The following CSMD3 variants were observed in gnomAD, a reference collection of about 807,000 sequenced individuals.
The protein encoded by CSMD3 is CUB and Sushi multiple domains 3.
CSMD3 carries 177 observed loss-of-function variants against 435.2 expected under a neutral mutation model. The observed-to-expected ratio is 0.41, with a 90% CI of 0.36 to 0.46. CSMD3 has a LOEUF of 0.46. CSMD3 is among the 20% of genes least tolerant of loss of function. CSMD3 has a pLI of 0.34. For synonymous variants in CSMD3, 1,656 were observed against 1,520.5 expected (o/e 1.09, Z -2.07); for missense variants, 4,265 against 4,504.6 (o/e 0.95, Z 1.52).
At chr8:113,307,882 A>G (rs1392301823) in intron 2 of CSMD3, among the ~76,000 whole-genome samples, 1 of 152,194 alleles carries the variant, frequency 6.6e-6, no homozygotes, top group Non-Finnish European at 1.5e-5. Flanking sequence ...GAAGTACAAA[A>G]TGCGTACACA....
At position 112,889,558 on chromosome 8, in the gene CSMD3, GTCT is replaced by G. The variant is rs1271147327; in HGVS notation, c.1634-30295_1634-30293del. Among the ~76,000 whole-genome samples the G allele has an allele frequency of 6.6e-5, 10 of 151,682 alleles. No individual in the cohort carries two copies. In the South Asian group the frequency reaches 1.9e-3, roughly 28 times the overall value. ...GCACCTATGGAAATGTGTGTCTTTT[GTCT>G]TCTTGCAATTAACTTGAAACTTACA... is the stretch of plus-strand genomic sequence containing the variant. On this transcript the variant is annotated intron_variant, in intron 10 of 70. Coordinates refer to ENST00000297405, the MANE Select transcript of CSMD3 (RefSeq NM_198123.2).
At chr8:112,435,038 T>A (rs1370495777) in intron 32 of CSMD3, among the ~76,000 whole-genome samples, 1 of 152,040 alleles carries the variant, frequency 6.6e-6, no homozygotes, top group African/African-American at 2.4e-5. Flanking sequence ...TTAAGCATGG[T>A]AGAGCAGCTA....
chr8:112,776,628 C>A (rs934433585), intron 13 of CSMD3, among the ~76,000 whole-genome samples: 1 of 151,702 alleles, frequency 6.6e-6, no homozygotes, highest in African/African-American at 2.4e-5. Context: ...TGCCTTAAGA[C>A]ATATTGTGAG....
At chr8:113,094,561 C>T (rs569513768) in intron 5 of CSMD3, among the ~76,000 whole-genome samples, 1 of 152,286 alleles carries the variant, frequency 6.6e-6, no homozygotes, top group East Asian at 1.9e-4. Flanking sequence ...TCTTCTCACG[C>T]TACTAATCTA....
intron 11 of CSMD3, among the ~76,000 whole-genome samples, chr8:112,846,778 A>T (rs972948788): frequency 9.9e-5 from 15 of 151,940 alleles, no homozygotes; most frequent in African/African-American, 3.4e-4. Context: ...GCACAGAGTA[A>T]TTCACTTTAA....
rs745572635 is a variant in CSMD3, at chr8:112,287,170, T to G, written c.9225A>C (p.Lys3075Asn). 2 of 1,613,606 alleles carry G rather than the reference T, an allele frequency of 1.2e-6. No individual in the cohort carries two copies. The highest frequency in any genetic ancestry group is 2.7e-5 in the African/African-American group (2 of 74,880). ...GSRQESNFRT[K>N]STVRYACDTG... is the part of the protein sequence containing the mutation. ...TATCACAAGCATAACGTACAGTACT[T>G]TTAGTTCTGAAATTGCTTTCCTGTC... The change falls in exon 58 of 71, where the codon AAA becomes AAC. Residue 3075 changes from lysine (K) to asparagine (N), a missense_variant. By Grantham distance (94) the Lys-to-Asn change is moderately conservative. Around this residue, in one of 3 missense-constraint regions of CSMD3, gnomAD observed 3,255 missense variants for 3,380.2 expected, o/e 0.96. Transcript: ENST00000297405.
At chr8:113,132,245 G>T (rs2131687627) in intron 4 of CSMD3, among the ~76,000 whole-genome samples, 1 of 152,218 alleles carries the variant, frequency 6.6e-6, no homozygotes, top group East Asian at 1.9e-4. Flanking sequence ...TTAAGACTTT[G>T]GTCAGGGGGT....
At chr8:112,935,883 G>C (rs1206360910) in intron 9 of CSMD3, among the ~76,000 whole-genome samples, 3 of 152,058 alleles carry the variant, frequency 2.0e-5, no homozygotes, top group African/African-American at 7.2e-5. Context: ...AAGAGAGATG[G>C]TTTAGGATGT....
At chr8:112,300,101 A>T (rs1230678500) in intron 53 of CSMD3, among the ~76,000 whole-genome samples, 2 of 148,184 alleles carry the variant, frequency 1.3e-5, no homozygotes, top group African/African-American at 2.4e-5. Context: ...ACTATATTTT[A>T]AATATGGTTC....
At chr8:113,145,695 G>T (rs937218757) in intron 4 of CSMD3, among the ~76,000 whole-genome samples, 1 of 151,374 alleles carries the variant, frequency 6.6e-6, no homozygotes, top group Non-Finnish European at 1.5e-5. Context: ...ATATTACCTG[G>T]TTTATTAATT....
intron 6 of CSMD3, among the ~76,000 whole-genome samples, chr8:112,996,307 A>C (rs2131044357): frequency 6.6e-6 from 1 of 151,688 alleles, no homozygotes. Context: ...GACTTCTATG[A>C]GTTCAACTAT....
intron 31 of CSMD3, among the ~76,000 whole-genome samples, chr8:112,491,528 T>A (rs1172847027): frequency 6.6e-6 from 1 of 151,980 alleles, no homozygotes; most frequent in Non-Finnish European, 1.5e-5. Flanking sequence ...TGTGCACCTG[T>A]AATCCCAGTC....
At chr8:112,577,783 T>C (rs1295740700) in intron 23 of CSMD3, among the ~76,000 whole-genome samples, 2 of 152,068 alleles carry the variant, frequency 1.3e-5, no homozygotes, top group African/African-American at 2.4e-5. Flanking sequence ...TGAACCGTAT[T>C]ACAACAAACT....
intron 3 of CSMD3, among the ~76,000 whole-genome samples, chr8:113,232,079 T>G (rs775956741): frequency 2.0e-5 from 3 of 151,570 alleles, no homozygotes; most frequent in Non-Finnish European, 3.0e-5. Context: ...CCTTGAAATT[T>G]TATCTCATTA....
intron 13 of CSMD3, among the ~76,000 whole-genome samples, chr8:112,727,884 A>G (rs2076998530): frequency 6.6e-6 from 1 of 151,898 alleles, no homozygotes; most frequent in Admixed American, 6.6e-5. Context: ...TAACCAAAAA[A>G]CATAGCGTAA....
rs2130814346 is a variant in CSMD3, at chr8:112,311,093, A to G, written c.7770T>C (p.Ser2590=). ...CTCGATCACAGGCCCAACGGACCAC[A>G]CTGTTAAGCTGCCCACCTGTCTGAC... The part of the protein sequence containing the change: ...IISQTGGQLN[S]VVRWACDRGF... Residue 2590 remains serine (S), a synonymous_variant, in exon 50 of 71, where the codon AGT becomes AGC. Transcript: ENST00000297405. 1 of 1,614,038 alleles carries G rather than the reference A, an allele frequency of 6.2e-7. No homozygotes were observed. Among genetic ancestry groups the G allele is most frequent in the African/African-American group, 1.3e-5 (1 of 75,016 alleles).
intron 11 of CSMD3, among the ~76,000 whole-genome samples, chr8:112,841,771 A>T (rs1054614731): frequency 4.0e-5 from 6 of 151,482 alleles, no homozygotes; most frequent in Admixed American, 3.3e-4. Context: ...AAGAGGTCTT[A>T]GCAGGAAAAA....
intron 1 of CSMD3, among the ~76,000 whole-genome samples, chr8:113,397,259 T>G (rs1271627552): frequency 1.3e-5 from 2 of 152,146 alleles, no homozygotes. Context: ...TTCCAGACTG[T>G]TAATAAAATG....
At chr8:113,175,805 C>T (rs995896714) in intron 3 of CSMD3, among the ~76,000 whole-genome samples, 1 of 151,950 alleles carries the variant, frequency 6.6e-6, no homozygotes, top group Non-Finnish European at 1.5e-5. Flanking sequence ...TTAATCCACT[C>T]CTCTTCCTTC....
Sources: allele counts gnomAD v4.1 joint callset (sites outside exome capture counted in the v4.1 genomes callset), GRCh38; gene constraint gnomAD v4.1.1; regional missense constraint gnomAD v4.1.1; transcripts MANE v1.5; gene names NCBI Gene and HGNC (gene_info 2026-07-23, HGNC 2026-07-21).